The following SHANK2 variants were observed in gnomAD, a reference collection of about 807,000 sequenced individuals.
The protein encoded by SHANK2 is SH3 and multiple ankyrin repeat domains protein 2.
In SHANK2, 43 loss-of-function variants were observed where a neutral mutation model predicts 133.7. The ratio of observed to expected loss-of-function variants is 0.32; its 90% CI spans 0.25 to 0.41. The LOEUF (loss-of-function observed/expected upper bound fraction) is 0.41, where lower values mean the gene tolerates loss of function less well. Ranked by LOEUF, SHANK2 falls within the 10% of genes least tolerant of loss-of-function variation. The pLI, the probability that SHANK2 is intolerant of heterozygous loss-of-function variation, is 1.00. For synonymous variants in SHANK2, 1,017 were observed against 952.8 expected (o/e 1.07, Z -1.24); for missense variants, 1,994 against 2,235.8 (o/e 0.89, Z 2.18).
intron 10 of SHANK2, among the ~76,000 whole-genome samples, chr11:70,926,572 G>C (rs1950430223): frequency 6.6e-6 from 1 of 152,184 alleles, no homozygotes; most frequent in Non-Finnish European, 1.5e-5. Flanking sequence ...CAGCACTGCA[G>C]CACTACGATA....
intron 11 of SHANK2, among the ~76,000 whole-genome samples, chr11:70,824,194 A>G (rs1430914233): frequency 1.3e-5 from 2 of 152,118 alleles, no homozygotes; most frequent in Non-Finnish European, 2.9e-5. Context: ...CCACCTCCCC[A>G]GGACACAGGG....
At position 70,784,343 on chromosome 11, in the gene SHANK2, GTTT is replaced by G. The variant is rs71049942; in HGVS notation, c.1777+14097_1777+14099del. ...AGGGCGTGCGCCACCACACCGGCTA[GTTT>G]TTTTTTTTTTTTTTTTTTTTTTTTT... On this transcript the variant is annotated intron_variant, in intron 14 of 25. Coordinates refer to ENST00000601538, the MANE Select transcript of SHANK2 (RefSeq NM_012309.5). 5.9e-3 allele frequency among the ~76,000 whole-genome samples: 253 copies of G among 42,788 alleles called. 1 individual carries two copies. Among genetic ancestry groups the G allele is most frequent in the African/African-American group, 0.019 (243 of 12,526 alleles). 28.1% of individuals were successfully genotyped at this position (42,788 alleles called of 152,430 possible).
rs900611127 is a variant in SHANK2, at chr11:70,489,193, T to C, written c.2572+135A>G. The C allele has an allele frequency of 4.6e-6, 4 of 861,710 alleles. No homozygotes were observed. The African/African-American group carries it at 6.6e-5, about 14-fold the overall frequency. The allele number at this position is 861,710 out of a possible 1,614,324, so 53.4% of individuals were successfully genotyped here. On this transcript the variant is annotated intron_variant, in intron 24 of 25. Coordinates refer to ENST00000601538, the MANE Select transcript of SHANK2 (RefSeq NM_012309.5). Reference sequence around the variant, plus strand: ...TTGCAAAGATGGCTCGTTCAAAGTGTTCTCCATTGACCAGTCACTCTGAGT... The same window carrying C: ...TTGCAAAGATGGCTCGTTCAAAGTGCTCTCCATTGACCAGTCACTCTGAGT...
chr11:70,751,036 C>T (rs1398506694), intron 14 of SHANK2, among the ~76,000 whole-genome samples: 2 of 151,122 alleles, frequency 1.3e-5, no homozygotes, highest in Middle Eastern at 3.4e-3. Flanking sequence ...GGAAACAATA[C>T]AAATGAAAAA....
intron 7 of SHANK2, among the ~76,000 whole-genome samples, chr11:71,093,056 G>GGA (rs1555094486): frequency 1.4e-5 from 2 of 145,672 alleles, no homozygotes; most frequent in South Asian, 2.4e-4. Context: ...AATAAAGGGG[G>GGA]GGGGGGGCAG....
intron 6 of SHANK2, among the ~76,000 whole-genome samples, chr11:71,096,350 T>C (rs117001019): frequency 0.012 from 1,827 of 152,288 alleles, 12 homozygotes; most frequent in East Asian, 0.02. Flanking sequence ...TTGAGACCAG[T>C]TGGAACATGG....
chr11:71,219,788 C>T (rs1555120716), intron 2 of SHANK2, among the ~76,000 whole-genome samples: 1 of 151,966 alleles, frequency 6.6e-6, no homozygotes, highest in East Asian at 1.9e-4. Context: ...ATCTCAGCTA[C>T]TCGGGAGGCT....
chr11:70,661,945 A>G, intron 15 of SHANK2: 3 of 793,426 alleles, frequency 3.8e-6, no homozygotes, highest in South Asian at 1.5e-5. Context: ...GGAGTCATAC[A>G]TGGTGGGGCG....
At chr11:70,832,102 C>T (rs1376582972) in intron 11 of SHANK2, among the ~76,000 whole-genome samples, 3 of 152,212 alleles carry the variant, frequency 2.0e-5, no homozygotes, top group Non-Finnish European at 4.4e-5. Context: ...AGAGAAGTCC[C>T]ATGAGCTCTC....
intron 17 of SHANK2, among the ~76,000 whole-genome samples, chr11:70,577,985 C>T (rs2060137616): frequency 6.6e-6 from 1 of 152,162 alleles, no homozygotes. Context: ...GGAGAGAGGC[C>T]TCAGGAGGAA....
At chr11:71,144,934 A>T (rs1342615766) in intron 3 of SHANK2, among the ~76,000 whole-genome samples, 5 of 152,266 alleles carry the variant, frequency 3.3e-5, no homozygotes, top group Non-Finnish European at 7.3e-5. Flanking sequence ...GTAATCCTGC[A>T]GAGGGACGTG....
intron 2 of SHANK2, among the ~76,000 whole-genome samples, chr11:71,187,454 A>G (rs1410129507): frequency 6.6e-6 from 1 of 151,936 alleles, no homozygotes; most frequent in African/African-American, 2.4e-5. Context: ...CTCGTGTTTT[A>G]TTCAGGACAC....
chr11:70,703,127 C>T (rs2134521804), intron 14 of SHANK2, among the ~76,000 whole-genome samples: 1 of 152,350 alleles, frequency 6.6e-6, no homozygotes, highest in African/African-American at 2.4e-5. Flanking sequence ...TCAGTGCTGA[C>T]AGCAACCAAT....
intron 17 of SHANK2, among the ~76,000 whole-genome samples, chr11:70,613,688 T>C (rs58084755): frequency 0.2 from 30,661 of 151,554 alleles, 3,297 homozygotes; most frequent in Non-Finnish European, 0.25. Flanking sequence ...AAGATATCAA[T>C]TAATGTGAGG....
chr11:70,822,769 T>C (rs9735761), intron 11 of SHANK2, among the ~76,000 whole-genome samples: 3,699 of 46,802 alleles, frequency 0.079, 514 homozygotes, highest in Admixed American at 0.14. Context: ...CTGGCAGAGG[T>C]CATGGGGGAC....
chr11:70,599,016 T>G (rs1554990159), intron 17 of SHANK2, among the ~76,000 whole-genome samples: 1 of 149,028 alleles, frequency 6.7e-6, no homozygotes, highest in East Asian at 2.0e-4. Context: ...TTCCCACTAT[T>G]CCCACTTCTA....
intron 14 of SHANK2, among the ~76,000 whole-genome samples, chr11:70,714,773 T>C (rs1475302082): frequency 6.6e-6 from 1 of 152,104 alleles, no homozygotes; most frequent in Non-Finnish European, 1.5e-5. Context: ...CCTTCCTTTT[T>C]TTTTTCTTTT....
chr11:71,107,204 C>T (rs1340962324), intron 6 of SHANK2, among the ~76,000 whole-genome samples: 1 of 152,152 alleles, frequency 6.6e-6, no homozygotes, highest in Non-Finnish European at 1.5e-5. Flanking sequence ...TGCGTGGTCA[C>T]CATCTCCCTG....
chr11:71,085,576 TATATA>T lies in SHANK2; in HGVS notation c.912+6841_912+6845del, dbSNP rs1450306743. On this transcript the variant is annotated intron_variant, in intron 8 of 25. Coordinates refer to ENST00000601538, the MANE Select transcript of SHANK2 (RefSeq NM_012309.5). ...ATATTATATTATATAAAATATATATTATATAATATATTATATAATATATATATTAA... is the reference window on the plus strand; with the variant it reads ...ATATTATATTATATAAAATATATATTATATATTATATAATATATATATTAA... Among the ~76,000 whole-genome samples the T allele has an allele frequency of 6.1e-3, 330 of 54,296 alleles. 2 individuals are homozygous for T. The highest frequency in any genetic ancestry group is 0.03 in the Middle Eastern group (2 of 66). 35.6% of individuals were successfully genotyped at this position (54,296 alleles called of 152,430 possible).
Sources: gnomAD v4.1 joint callset for allele counts (sites outside exome capture counted in the v4.1 genomes callset) on GRCh38, gnomAD v4.1.1 for gene constraint, MANE v1.5 for transcripts, NCBI Gene and HGNC (gene_info 2026-07-23, HGNC 2026-07-21) for gene names.